The following SLC35F1 variants were observed in gnomAD, a reference collection of about 807,000 sequenced individuals.
SLC35F1 encodes the protein solute carrier family 35 member F1, also known as chromosome 6 open reading frame 169.
SLC35F1 carries 14 observed loss-of-function variants against 48.7 expected under a neutral mutation model. That is an observed-to-expected ratio of 0.29 (90% CI 0.19 to 0.45). The LOEUF is 0.45. SLC35F1 is among the 20% of genes least tolerant of loss of function. The pLI, the probability that SLC35F1 is intolerant of heterozygous loss-of-function variation, is 1.00. For synonymous variants in SLC35F1, 190 were observed against 202.2 expected (o/e 0.94, Z 0.51); for missense variants, 404 against 500.0 (o/e 0.81, Z 1.83).
At chr6:118,159,991 T>G (rs565602656) in intron 2 of SLC35F1, among the ~76,000 whole-genome samples, 2 of 152,304 alleles carry the variant, frequency 1.3e-5, no homozygotes, top group Non-Finnish European at 2.9e-5. Flanking sequence ...TTTCTCTAAT[T>G]CCTTTTTGTT....
At chr6:118,278,325 T>G (rs1056051703) in intron 6 of SLC35F1, among the ~76,000 whole-genome samples, 2 of 152,190 alleles carry the variant, frequency 1.3e-5, no homozygotes, top group Non-Finnish European at 2.9e-5. Flanking sequence ...GGGAGGGGGC[T>G]ACAGACTCTT....
At chr6:118,311,263 T>C (rs777480488) in intron 7 of SLC35F1, among the ~76,000 whole-genome samples, 1 of 152,252 alleles carries the variant, frequency 6.6e-6, no homozygotes, top group African/African-American at 2.4e-5. Flanking sequence ...GAGCATTTTA[T>C]GTAGTAGAAA....
At chr6:118,259,009 A>C (rs937988696) in intron 3 of SLC35F1, among the ~76,000 whole-genome samples, 3 of 151,872 alleles carry the variant, frequency 2.0e-5, no homozygotes, top group Non-Finnish European at 4.4e-5. Context: ...GCTTATAAAT[A>C]AATATTTAAA....
intron 1 of SLC35F1, among the ~76,000 whole-genome samples, chr6:117,964,302 TA>T (rs1776533260): frequency 1.3e-5 from 2 of 152,252 alleles, no homozygotes; most frequent in Admixed American, 6.5e-5. Context: ...GGAATATCCC[TA>T]ACCTTTCTGG....
intron 3 of SLC35F1, among the ~76,000 whole-genome samples, chr6:118,239,075 C>T (rs931168210): frequency 1.3e-5 from 2 of 151,768 alleles, no homozygotes; most frequent in African/African-American, 4.8e-5. Flanking sequence ...CTCTCTCTCT[C>T]TCGTCTCCCG....
chr6:117,999,568 G>GGAA (rs540292241), intron 1 of SLC35F1: 1 of 395,944 alleles, frequency 2.5e-6, no homozygotes, highest in Non-Finnish European at 4.3e-6. Flanking sequence ...CCTGAGGCAG[G>GGAA]AAAAAAAAAA....
intron 3 of SLC35F1, among the ~76,000 whole-genome samples, chr6:118,256,907 C>T (rs1775653335): frequency 6.6e-6 from 1 of 152,072 alleles, no homozygotes. Flanking sequence ...ATTCAGTTAT[C>T]CCATTCAAAG....
intron 2 of SLC35F1, among the ~76,000 whole-genome samples, chr6:118,228,383 A>G (rs908841782): frequency 1.3e-5 from 2 of 152,100 alleles, no homozygotes; most frequent in Admixed American, 6.5e-5. Context: ...GTCCATCATA[A>G]GTCATACTTA....
intron 1 of SLC35F1, among the ~76,000 whole-genome samples, chr6:118,065,721 A>G (rs1032891456): frequency 6.6e-6 from 1 of 152,176 alleles, no homozygotes; most frequent in African/African-American, 2.4e-5. Flanking sequence ...TTTTGTTTTT[A>G]TAATGCAGAT....
chr6:117,959,156 A>G (rs1776463996), intron 1 of SLC35F1, among the ~76,000 whole-genome samples: 1 of 152,208 alleles, frequency 6.6e-6, no homozygotes, highest in Non-Finnish European at 1.5e-5. Flanking sequence ...AGATCTATCA[A>G]GCTGATCTAA....
intron 1 of SLC35F1, among the ~76,000 whole-genome samples, chr6:117,954,582 C>A (rs930023585): frequency 1.3e-5 from 2 of 152,140 alleles, no homozygotes; most frequent in Non-Finnish European, 2.9e-5. Context: ...TAAAGAGTCA[C>A]TGAGATAATG....
At chr6:118,247,013 A>G (rs994447803) in intron 3 of SLC35F1, among the ~76,000 whole-genome samples, 1 of 152,212 alleles carries the variant, frequency 6.6e-6, no homozygotes, top group Admixed American at 6.5e-5. Flanking sequence ...TCTCCAGCAC[A>G]TAGTAGATGC....
chr6:118,120,784 G>C (rs1464004921), intron 1 of SLC35F1, among the ~76,000 whole-genome samples: 1 of 152,056 alleles, frequency 6.6e-6, no homozygotes, highest in Non-Finnish European at 1.5e-5. Context: ...AACAACACAA[G>C]CAGAATTAAT....
chr6:118,131,449 A>G (rs1051191713), intron 1 of SLC35F1, among the ~76,000 whole-genome samples: 29 of 152,292 alleles, frequency 1.9e-4, no homozygotes, highest in African/African-American at 7.0e-4. Context: ...TTAAGTTATA[A>G]TAACATTTAG....
intron 3 of SLC35F1, among the ~76,000 whole-genome samples, chr6:118,250,870 A>C (rs559857960): frequency 6.6e-6 from 1 of 151,928 alleles, no homozygotes; most frequent in East Asian, 1.9e-4. Flanking sequence ...TACTCAGAAG[A>C]CTGAGAATGG....
chr6:118,081,057 A>AT (rs1367003211), intron 1 of SLC35F1, among the ~76,000 whole-genome samples: 1 of 152,096 alleles, frequency 6.6e-6, no homozygotes, highest in African/African-American at 2.4e-5. Context: ...CCATCTCTTC[A>AT]TTATGGCTAA....
At chr6:118,036,522 G>A (rs796365127) in intron 1 of SLC35F1, among the ~76,000 whole-genome samples, 15 of 152,284 alleles carry the variant, frequency 9.9e-5, no homozygotes, top group African/African-American at 3.6e-4. Context: ...ATTAGATCAA[G>A]TTGGTTGATA....
chr6:118,233,230 GC>G (rs1206750037), intron 2 of SLC35F1, among the ~76,000 whole-genome samples: 9 of 152,238 alleles, frequency 5.9e-5, no homozygotes, highest in African/African-American at 1.9e-4. Flanking sequence ...CTCCCAAAGT[GC>G]TGGGATTACA....
chr6:118,054,379 T>A (rs1222677733), intron 1 of SLC35F1, among the ~76,000 whole-genome samples: 1 of 152,242 alleles, frequency 6.6e-6, no homozygotes, highest in African/African-American at 2.4e-5. Flanking sequence ...GGGTACTGTT[T>A]TAGTCATATA....
Sources: gnomAD v4.1 joint callset for allele counts (sites outside exome capture counted in the v4.1 genomes callset) on GRCh38, gnomAD v4.1.1 for gene constraint, MANE v1.5 for transcripts, NCBI Gene and HGNC (gene_info 2026-07-23, HGNC 2026-07-21) for gene names.